GABRA3: variants seen among roughly 807,000 people sequenced by gnomAD.
The protein encoded by GABRA3 is gamma-aminobutyric acid receptor subunit alpha-3.
A neutral mutation model predicts 30.1 loss-of-function variants in GABRA3; 10 were observed. That is an observed-to-expected ratio of 0.33 (90% CI 0.20 to 0.56). GABRA3 has a LOEUF of 0.56. Among genes scored for constraint, GABRA3 ranks in the 20% least tolerant of loss-of-function variants. GABRA3 has a pLI of 0.89. For synonymous variants in GABRA3, 151 were observed against 146.8 expected (o/e 1.03, Z -0.21); for missense variants, 233 against 392.0 (o/e 0.59, Z 3.42).
rs771047576 is a variant in GABRA3 at position 152,275,629 on chromosome X, C to T, written c.330+9039G>A. Among the ~76,000 whole-genome samples, 990 of 106,309 alleles carry T rather than the reference C, an allele frequency of 9.3e-3. 18 individuals are homozygous for T. Among genetic ancestry groups the T allele is most frequent in the African/African-American group, 0.031 (925 of 29,506 alleles). The allele number at this position is 106,309 out of a possible 115,157, so 92.3% of individuals were successfully genotyped here. On this transcript the variant is annotated intron_variant, in intron 4 of 9. Transcript: ENST00000370314. Reference sequence around the variant, plus strand: ...CAAAAATTAGCCAGGTGTGGTGGCGCGTGCCTGTAATCCTAGCTACTGGGG... The same window carrying T: ...CAAAAATTAGCCAGGTGTGGTGGCGTGTGCCTGTAATCCTAGCTACTGGGG...
At chrX:152,353,520 G>A (rs79045026) in intron 2 of GABRA3, among the ~76,000 whole-genome samples, 6,200 of 111,419 alleles carry the variant, frequency 0.056, 185 homozygotes, top group East Asian at 0.12. Flanking sequence ...GCCAATGCAT[G>A]AGCACTATTT....
intron 5 of GABRA3, among the ~76,000 whole-genome samples, chrX:152,228,707 C>G (rs774377545): frequency 9.0e-6 from 1 of 111,418 alleles, no homozygotes; most frequent in East Asian, 2.9e-4. Flanking sequence ...GAATAAAAGT[C>G]AGATTGGTGG....
intron 5 of GABRA3, chrX:152,250,772 C>G: frequency 8.3e-6 from 1 of 120,090 alleles, no homozygotes; most frequent in Non-Finnish European, 1.7e-5. Context: ...AGTTACATAC[C>G]CATGCAATGC....
At chrX:152,379,137 ACCATAC>A (rs1929074707) in intron 1 of GABRA3, among the ~76,000 whole-genome samples, 1 of 111,677 alleles carries the variant, frequency 9.0e-6, no homozygotes, top group African/African-American at 3.2e-5. Flanking sequence ...TATGGAGAAT[ACCATAC>A]CCATTGATGG....
chrX:152,258,981 A>G (rs1386837855), intron 4 of GABRA3, among the ~76,000 whole-genome samples: 3 of 111,903 alleles, frequency 2.7e-5, no homozygotes, highest in Non-Finnish European at 5.6e-5. Flanking sequence ...AAGAGGTAGG[A>G]AAAACAGTCT....
At chrX:152,210,220 T>C (rs1215802983) in intron 6 of GABRA3, among the ~76,000 whole-genome samples, 1 of 112,206 alleles carries the variant, frequency 8.9e-6, no homozygotes, top group Non-Finnish European at 1.9e-5. Context: ...AAGTTTTGTT[T>C]TCAACAAAAG....
chrX:152,363,636 G>C (rs1235629368), intron 2 of GABRA3, among the ~76,000 whole-genome samples: 1 of 111,694 alleles, frequency 9.0e-6, no homozygotes, highest in African/African-American at 3.3e-5. Flanking sequence ...ACAGGTTTCT[G>C]TTGAAAGTGA....
At chrX:152,241,473 GC>G (rs1442088170) in intron 5 of GABRA3, among the ~76,000 whole-genome samples, 3 of 106,728 alleles carry the variant, frequency 2.8e-5, no homozygotes, top group Non-Finnish European at 5.9e-5. Flanking sequence ...TCTGTGCCCT[GC>G]CCCCAGAGGT....
At chrX:152,449,219 G>C (rs1185472161) in intron 1 of GABRA3, among the ~76,000 whole-genome samples, 1 of 112,191 alleles carries the variant, frequency 8.9e-6, no homozygotes, top group Non-Finnish European at 1.9e-5. Flanking sequence ...TTTGGCTTAT[G>C]ATGGGGAATA....
At chrX:152,175,487 G>A (rs1314367488) in intron 9 of GABRA3, among the ~76,000 whole-genome samples, 1 of 111,609 alleles carries the variant, frequency 9.0e-6, no homozygotes, top group East Asian at 2.8e-4. Flanking sequence ...TGCCCTAAAG[G>A]AGTTCACATC....
Position 152,167,276 on chromosome X carries a change from A to G in GABRA3, c.*952T>C, listed in dbSNP as rs1322191750. On this transcript the variant is annotated 3_prime_UTR_variant, in exon 10 of 10. Transcript: ENST00000370314. ...CAATCCTCAACTACCATCCACTCCA[A>G]ACCTCTTACCCAATCCAGTATAGGC... 8.9e-6 allele frequency: 1 copy of G among 111,888 alleles called. No homozygotes were observed. The highest frequency in any genetic ancestry group is 2.8e-4 in the East Asian group (1 of 3,561). The allele number at this position is 111,888 out of a possible 1,213,427, so 9.2% of individuals were successfully genotyped here. A position where few individuals can be genotyped will look rare whatever the true frequency, so the allele number is the denominator to read the frequency against.
At chrX:152,424,928 C>CTT (rs747255822) in intron 1 of GABRA3, among the ~76,000 whole-genome samples, 43 of 42,334 alleles carry the variant, frequency 1.0e-3, no homozygotes, top group Non-Finnish European at 1.2e-3. Context: ...TTTTTCTTTT[C>CTT]TTTTTTTTTT....
intron 1 of GABRA3, among the ~76,000 whole-genome samples, chrX:152,441,046 T>C (rs960901620): frequency 9.3e-6 from 1 of 107,744 alleles, no homozygotes. Context: ...AGAAAACAGA[T>C]AGATGGTTTC....
intron 4 of GABRA3, among the ~76,000 whole-genome samples, chrX:152,262,234 G>C (rs1412786287): frequency 8.9e-6 from 1 of 112,643 alleles, no homozygotes; most frequent in East Asian, 2.8e-4. Flanking sequence ...AGGGGCTGCT[G>C]TAACGGTCTC....
chrX:152,332,637 C>A (rs1940180766), intron 3 of GABRA3, among the ~76,000 whole-genome samples: 1 of 111,837 alleles, frequency 8.9e-6, no homozygotes, highest in Non-Finnish European at 1.9e-5. Flanking sequence ...AGAAAGTGCT[C>A]CATGATTAGA....
chrX:152,368,946 C>A (rs1366261485), intron 1 of GABRA3, among the ~76,000 whole-genome samples: 1 of 111,219 alleles, frequency 9.0e-6, no homozygotes, highest in Non-Finnish European at 1.9e-5. Context: ...ACCTTGTGAT[C>A]CGCCCATCTC....
chrX:152,173,566 C>T (rs974304636), intron 9 of GABRA3, among the ~76,000 whole-genome samples: 1 of 110,870 alleles, frequency 9.0e-6, no homozygotes, highest in African/African-American at 3.3e-5. Flanking sequence ...CTTGCCTCAG[C>T]CTCCTGAGTA....
chrX:152,364,659 G>C (rs1457659433), intron 1 of GABRA3, 63 bp from the exon 2 acceptor site: 1 of 833,279 alleles, frequency 1.2e-6, no homozygotes, highest in African/African-American at 2.1e-5. Flanking sequence ...AGGGAGAGAG[G>C]AGAAAGAGGT....
chrX:152,229,139 T>C (rs962971394), intron 5 of GABRA3, among the ~76,000 whole-genome samples: 32 of 111,281 alleles, frequency 2.9e-4, no homozygotes, highest in African/African-American at 1.0e-3. Context: ...CATGGATTCA[T>C]TTGTGAAGCT....
Sources: gnomAD v4.1 joint callset for allele counts (sites outside exome capture counted in the v4.1 genomes callset) on GRCh38, gnomAD v4.1.1 for gene constraint, MANE v1.5 for transcripts, NCBI Gene and HGNC (gene_info 2026-07-23, HGNC 2026-07-21) for gene names.